The following FAM169A variants were observed in gnomAD, a reference collection of about 807,000 sequenced individuals.
The protein encoded by FAM169A is soluble lamin-associated protein of 75 kDa.
Under a neutral mutation model 75.7 loss-of-function variants are expected in FAM169A, and 24 were observed. The observed-to-expected ratio is 0.32, with a 90% CI of 0.23 to 0.45. The LOEUF (loss-of-function observed/expected upper bound fraction) is 0.45, where lower values mean the gene tolerates loss of function less well. FAM169A is among the 20% of genes least tolerant of loss of function. The pLI is 1.00. For synonymous variants in FAM169A, 271 were observed against 271.0 expected (o/e 1.00, Z 0.00); for missense variants, 673 against 784.0 (o/e 0.86, Z 1.69).
chr5:74,819,389 C>T (rs894633624), intron 5 of FAM169A, among the ~76,000 whole-genome samples: 1 of 152,116 alleles, frequency 6.6e-6, no homozygotes, highest in Non-Finnish European at 1.5e-5. Context: ...CTATAATCAA[C>T]AGGACAAATA....
intron 11 of FAM169A, among the ~76,000 whole-genome samples, chr5:74,793,057 T>C (rs1746060438): frequency 6.6e-6 from 1 of 152,202 alleles, no homozygotes; most frequent in Non-Finnish European, 1.5e-5. Context: ...CCAGGCACAA[T>C]GGCTCACACC....
rs192629031 is a variant in FAM169A, at chr5:74,834,915, G to A, written c.319-318C>T. 3.9e-4 allele frequency among the ~76,000 whole-genome samples: 59 copies of A among 150,732 alleles called. No individual in the cohort carries two copies. In the East Asian group the frequency reaches 7.2e-3, roughly 18 times the overall value. On this transcript the variant is annotated intron_variant, in intron 4 of 12. Coordinates refer to ENST00000687041, the MANE Select transcript of FAM169A (RefSeq NM_001376049.1). Reference sequence around the variant, plus strand: ...ACTCACCATCTTCTTTCTGCTTCCAGCTGCCCAGATCCAGGGTCTTACCAA... The same window carrying A: ...ACTCACCATCTTCTTTCTGCTTCCAACTGCCCAGATCCAGGGTCTTACCAA...
intron 5 of FAM169A, among the ~76,000 whole-genome samples, chr5:74,815,788 T>C (rs1393076245): frequency 6.6e-6 from 1 of 152,040 alleles, no homozygotes; most frequent in African/African-American, 2.4e-5. Flanking sequence ...GCAATGAGAG[T>C]GACCTCTGGT....
rs1200510928 is a variant in FAM169A at position 74,778,515 on chromosome 5, A to G, written c.*2945T>C. 1.3e-5 allele frequency: 2 copies of G among 151,970 alleles called. No individual in the cohort carries two copies. Among genetic ancestry groups the G allele is most frequent in the Non-Finnish European group, 2.9e-5 (2 of 67,884 alleles). 9.4% of individuals were successfully genotyped at this position (151,970 alleles called of 1,614,324 possible). A position where few individuals can be genotyped will look rare whatever the true frequency, so the allele number is the denominator to read the frequency against. ...TTAATGACTAGATGTTTTCCTTACCATCTACACTGAATGGAAATACCATGA... is the reference window on the plus strand; with the variant it reads ...TTAATGACTAGATGTTTTCCTTACCGTCTACACTGAATGGAAATACCATGA... On this transcript the variant is annotated 3_prime_UTR_variant, in exon 13 of 13. Transcript: ENST00000687041.
At chr5:74,800,813 A>G (rs1746533776) in intron 10 of FAM169A, 67 bp downstream of exon 10, 5 of 663,178 alleles carry the variant, frequency 7.5e-6, no homozygotes, top group Non-Finnish European at 8.4e-6. Context: ...AATATTGATA[A>G]TATAAAAGTA....
At chr5:74,813,699 A>C in intron 6 of FAM169A, 141 bp downstream of exon 6, 1 of 484,146 alleles carries the variant, frequency 2.1e-6, no homozygotes, top group Middle Eastern at 3.6e-4. Context: ...ACATAAGGGC[A>C]CATTTGCCAA....
At chr5:74,866,597 T>C (rs1434816608), upstream of FAM169A, 4 of 606,974 alleles carry the variant, frequency 6.6e-6, no homozygotes, top group South Asian at 7.2e-5. Context: ...CCGCGCCCCC[T>C]CTCTCCGCCC....
At chr5:74,828,855 G>A (rs1488685698) in intron 5 of FAM169A, among the ~76,000 whole-genome samples, 3 of 152,276 alleles carry the variant, frequency 2.0e-5, no homozygotes, top group South Asian at 2.1e-4. Context: ...AGTAGAGGCT[G>A]AGGCACGTGT....
upstream of FAM169A, chr5:74,866,600 C>G (rs1156312905): frequency 1.6e-6 from 1 of 633,490 alleles, no homozygotes; most frequent in East Asian, 1.4e-4. Context: ...CGCCCCCTCT[C>G]TCCGCCCCGG....
rs1745300854 is a variant in FAM169A, at chr5:74,779,501, T to A, written c.*1959A>T. ...TTTCAAATCTAAGAAATGAAACATG[T>A]AAAGATTAAGAATTTACTGAATCTT... On this transcript the variant is annotated 3_prime_UTR_variant, in exon 13 of 13. Coordinates refer to ENST00000687041, the MANE Select transcript of FAM169A (RefSeq NM_001376049.1). 1.3e-5 allele frequency: 2 copies of A among 152,290 alleles called. No individual in the cohort carries two copies. The highest frequency in any genetic ancestry group is 4.1e-4 in the South Asian group (2 of 4,828). The allele number at this position is 152,290 out of a possible 1,614,324, so 9.4% of individuals were successfully genotyped here.
chr5:74,784,788 A>G (rs769336422), intron 11 of FAM169A, among the ~76,000 whole-genome samples: 49 of 150,936 alleles, frequency 3.2e-4, no homozygotes, highest in Non-Finnish European at 5.0e-4. Flanking sequence ...GCGTGGTGGC[A>G]GGCGCCTGTA....
intron 1 of FAM169A, among the ~76,000 whole-genome samples, chr5:74,847,587 A>G (rs1749221421): frequency 6.6e-6 from 1 of 152,200 alleles, no homozygotes; most frequent in Admixed American, 6.5e-5. Context: ...TAGATTATAC[A>G]TTTTCCTAAT....
At chr5:74,799,560 G>C (rs1746453254) in intron 10 of FAM169A, 5 of 1,508,566 alleles carry the variant, frequency 3.3e-6, no homozygotes, top group Non-Finnish European at 4.6e-6. Flanking sequence ...ACAGCAAGAT[G>C]CTTTTTGGGC....
At chr5:74,830,305 G>A (rs369359891) in intron 5 of FAM169A, among the ~76,000 whole-genome samples, 5 of 152,074 alleles carry the variant, frequency 3.3e-5, no homozygotes, top group Admixed American at 6.5e-5. Flanking sequence ...CTTCAATGTC[G>A]AACATGATGT....
intron 4 of FAM169A, among the ~76,000 whole-genome samples, chr5:74,838,612 A>T (rs1002564387): frequency 4.6e-5 from 7 of 152,200 alleles, no homozygotes; most frequent in Non-Finnish European, 7.3e-5. Flanking sequence ...CTACTAATAA[A>T]CAAGTTTCCT....
chr5:74,813,992 T>C lies in FAM169A; in HGVS notation c.518A>G (p.Gln173Arg). 1 of 1,587,774 alleles carries C rather than the reference T, an allele frequency of 6.3e-7. No individual in the cohort carries two copies. Among genetic ancestry groups the C allele is most frequent in the Non-Finnish European group, 8.5e-7 (1 of 1,171,680 alleles). The change falls in exon 6 of 13, where the codon CAA becomes CGA. Residue 173 changes from glutamine to arginine, a missense_variant. Transcript: ENST00000687041. ...ATCAAGAACTGGCAATTGGTAACTTTGGGTAAGAAAAGAGGCACATATGCT... is the reference window on the plus strand; with the variant it reads ...ATCAAGAACTGGCAATTGGTAACTTCGGGTAAGAAAAGAGGCACATATGCT... The part of the protein sequence containing the change: ...TGSICASFLT[Q>R]SYQLPVLDTM...
intron 1 of FAM169A, chr5:74,865,230 G>A (rs1433908549): frequency 2.6e-5 from 4 of 152,184 alleles, no homozygotes; most frequent in Non-Finnish European, 4.4e-5. Context: ...ATGACAAATT[G>A]TGTCACAGTT....
intron 5 of FAM169A, among the ~76,000 whole-genome samples, chr5:74,827,592 G>A (rs1347107468): frequency 2.0e-5 from 3 of 151,252 alleles, no homozygotes; most frequent in African/African-American, 4.9e-5. Context: ...CACATATATC[G>A]GGAAAACTAA....
At chr5:74,830,037 T>A (rs538390128) in intron 5 of FAM169A, among the ~76,000 whole-genome samples, 1 of 152,150 alleles carries the variant, frequency 6.6e-6, no homozygotes, top group African/African-American at 2.4e-5. Flanking sequence ...CCTAAGGTGG[T>A]AGCATTTTGA....
Sources: allele counts gnomAD v4.1 joint callset (sites outside exome capture counted in the v4.1 genomes callset), GRCh38; gene constraint gnomAD v4.1.1; transcripts MANE v1.5; gene names NCBI Gene and HGNC (gene_info 2026-07-23, HGNC 2026-07-21).